Variants in MMP13 observed in about 807,000 individuals in gnomAD.
MMP13 encodes the protein collagenase 3.
Under a neutral mutation model 52.1 loss-of-function variants are expected in MMP13, and 45 were observed. That is an observed-to-expected ratio of 0.86 (90% confidence interval 0.68 to 1.11). The LOEUF (loss-of-function observed/expected upper bound fraction) is 1.11, where lower values mean the gene tolerates loss of function less well. Among genes scored for constraint, MMP13 ranks in the 50% least tolerant of loss-of-function variants. The pLI, the probability that MMP13 is intolerant of heterozygous loss-of-function variation, is 0.00. For synonymous variants in MMP13, 200 were observed against 204.4 expected, an observed-to-expected ratio of 0.98 and a Z score of 0.18; for missense variants, 576 against 583.8, an observed-to-expected ratio of 0.99 and a Z score of 0.14.
In MMP13 at chr11:102,949,652, A is replaced by G. The variant is rs1226917824; in HGVS notation, c.917+458T>C. ...TCAATGAATGAATGAATAAACAAGC[A>G]TACTGGAACAGTGTAGAAATTAAAA... is the stretch of plus-strand genomic sequence containing the variant. On this transcript the variant is annotated intron_variant, in intron 6 of 9. Transcript: ENST00000260302. This position sits in a 1 kb window ranked among gnomAD's most constrained non-coding sequence, Gnocchi z 4.2. Among the ~76,000 whole-genome samples, 5 of 152,212 alleles carry G rather than the reference A, an allele frequency of 3.3e-5. No homozygotes were observed. Among genetic ancestry groups the G allele is most frequent in the Non-Finnish European group, 5.9e-5 (4 of 68,032 alleles).
In MMP13 at chr11:102,955,150, G is replaced by T; in HGVS notation, c.362+102C>A. The T allele has an allele frequency of 7.4e-7, 1 of 1,345,316 alleles. No homozygotes were observed. The allele number at this position is 1,345,316 out of a possible 1,614,324, so 83.3% of individuals were successfully genotyped here. A position where few individuals can be genotyped will look rare whatever the true frequency, so the allele number is the denominator to read the frequency against. On this transcript the variant is annotated intron_variant, in intron 2 of 9. Coordinates refer to ENST00000260302, the MANE Select transcript of MMP13 (RefSeq NM_002427.4). This position sits in a 1 kb window ranked among gnomAD's most constrained non-coding sequence, Gnocchi z 4.9. Reference sequence around the variant, plus strand: ...CGGCAACCATATTAAAGCTATTCTGGAATTTAACTGCCAATTAAATAATAA... The same window carrying T: ...CGGCAACCATATTAAAGCTATTCTGTAATTTAACTGCCAATTAAATAATAA...
chr11:102,950,029 AC>A, intron 6 of MMP13, 80 bp downstream of exon 6: 1 of 1,199,400 alleles, frequency 8.3e-7, no homozygotes, highest in Non-Finnish European at 1.2e-6. Flanking sequence ...TGGAAGTCTG[AC>A]AGGATGTTTT....
chr11:102,945,599 G>A (rs1860491942), intron 9 of MMP13, 47 bp downstream of exon 9: 2 of 1,140,306 alleles, frequency 1.8e-6, no homozygotes, highest in East Asian at 4.7e-5. Flanking sequence ...GAGTTTTGAG[G>A]GGCTACAGAA....
chr11:102,943,413 G>A lies in MMP13; in HGVS notation c.*853C>T, dbSNP rs1373635839. 1 of 151,988 alleles carries A rather than the reference G, an allele frequency of 6.6e-6. No individual in the cohort carries two copies. The highest frequency in any genetic ancestry group is 6.6e-5 in the Admixed American group (1 of 15,258). 9.4% of individuals were successfully genotyped at this position (151,988 alleles called of 1,614,324 possible). A position where few individuals can be genotyped will look rare whatever the true frequency, so the allele number is the denominator to read the frequency against. Reference sequence around the variant, plus strand: ...TTAAATAATTAGCTAGGTAAAATAGGGTTAAAATGCAACTTTTAGTCTTAA... The same window carrying A: ...TTAAATAATTAGCTAGGTAAAATAGAGTTAAAATGCAACTTTTAGTCTTAA... On this transcript the variant is annotated 3_prime_UTR_variant, in exon 10 of 10. Coordinates refer to ENST00000260302, the MANE Select transcript of MMP13 (RefSeq NM_002427.4).
chr11:102,944,219 A>G lies in MMP13; in HGVS notation c.*47T>C, dbSNP rs782523974. ...CCTACCCCGCACTTCTGGAAGTATT[A>G]CCCCAAATGCTCTTCAGGATTTAAA... On this transcript the variant is annotated 3_prime_UTR_variant, in exon 10 of 10. Coordinates refer to ENST00000260302, the MANE Select transcript of MMP13 (RefSeq NM_002427.4). The G allele has an allele frequency of 1.3e-5, 18 of 1,425,148 alleles. No individual in the cohort carries two copies. The highest frequency in any genetic ancestry group is 1.7e-5 in the Non-Finnish European group (17 of 1,010,214). The allele number at this position is 1,425,148 out of a possible 1,614,324, so 88.3% of individuals were successfully genotyped here.
chr11:102,943,155 A>C lies in MMP13; in HGVS notation c.*1111T>G, dbSNP rs1392047420. On this transcript the variant is annotated 3_prime_UTR_variant, in exon 10 of 10. Transcript: ENST00000260302. ...ATCATATATTCAATAAGTGCCAAGC[A>C]CCCTCCCCAAGTATCAATAGGCACT... 6.6e-6 allele frequency: 1 copy of C among 151,808 alleles called. No homozygotes were observed. Among genetic ancestry groups the C allele is most frequent in the Non-Finnish European group, 1.5e-5 (1 of 67,978 alleles). The allele number at this position is 151,808 out of a possible 1,614,324, so 9.4% of individuals were successfully genotyped here. A position where few individuals can be genotyped will look rare whatever the true frequency, so the allele number is the denominator to read the frequency against.
intron 8 of MMP13, among the ~76,000 whole-genome samples, chr11:102,946,859 A>G (rs1276166883): frequency 6.6e-6 from 1 of 152,118 alleles, no homozygotes; most frequent in Non-Finnish European, 1.5e-5. Flanking sequence ...TGATATATAC[A>G]GGTATGTGCG....
At chr11:102,946,471 G>A (rs950098976) in intron 8 of MMP13, among the ~76,000 whole-genome samples, 6 of 152,188 alleles carry the variant, frequency 3.9e-5, no homozygotes, top group African/African-American at 1.2e-4. Flanking sequence ...TAACTGCAAC[G>A]CCAGGCAATA....
chr11:102,946,486 T>C (rs868987561), intron 8 of MMP13, among the ~76,000 whole-genome samples: 5 of 152,060 alleles, frequency 3.3e-5, no homozygotes, highest in African/African-American at 4.8e-5. Flanking sequence ...GCAATAGAAG[T>C]CAAGCATGAG....
At chr11:102,948,115 A>G (rs1042347773) in intron 7 of MMP13, 65 bp from the exon 8 acceptor site, 3 of 1,403,116 alleles carry the variant, frequency 2.1e-6, no homozygotes, top group Non-Finnish European at 3.0e-6. Flanking sequence ...ATATATAGAC[A>G]TGTGCTTAAA....
chr11:102,948,715 T>C (rs1408802260), intron 7 of MMP13, among the ~76,000 whole-genome samples: 1 of 152,168 alleles, frequency 6.6e-6, no homozygotes, highest in African/African-American at 2.4e-5. Context: ...TTTTCCACTT[T>C]TTCAGAATAT....
chr11:102,954,304 G>A (rs1565256014), intron 3 of MMP13, 23 bp from the exon 4 acceptor site: 1 of 1,613,564 alleles, frequency 6.2e-7, no homozygotes, highest in Non-Finnish European at 8.5e-7. Context: ...GCAAGGGTTA[G>A]GAGTCTTATC....
rs537918121 is a variant in MMP13, at chr11:102,955,554, A to G, written c.120+32T>C. 1 of 1,613,976 alleles carries G rather than the reference A, an allele frequency of 6.2e-7. No homozygotes were observed. The highest frequency in any genetic ancestry group is 1.7e-5 in the Admixed American group (1 of 59,988). ...AGAAGGACATTTCTGAGATGTACCA[A>G]CCGCATCATCAGGATTGGCAAGATA... is the stretch of plus-strand genomic sequence containing the variant. On this transcript the variant is annotated intron_variant, in intron 1 of 9. Coordinates refer to ENST00000260302, the MANE Select transcript of MMP13 (RefSeq NM_002427.4). The surrounding 1 kb of genome is among the most constrained non-coding windows in gnomAD (Gnocchi z 4.9).
Position 102,955,457 on chromosome 11 carries a change from C to A in MMP13, c.157G>T (p.Ala53Ser). 1 of 1,613,938 alleles carries A rather than the reference C, an allele frequency of 6.2e-7. No homozygotes were observed. Among genetic ancestry groups the A allele is most frequent in the Non-Finnish European group, 8.5e-7 (1 of 1,179,902 alleles). ...GCTGCATTCTCCTTCAGGATTCCCG[C>A]GAGATTTGTAGGATGGTAGTATGAT... ...LRSYYHPTNL[A>S]GILKENAASS... The change falls in exon 2 of 10, where the codon GCG (alanine) becomes TCG (serine). Residue 53 changes from alanine (A) to serine (S), a missense_variant. Physicochemically the swap from Ala to Ser is moderately conservative, Grantham distance 99 (BLOSUM62 1). Transcript: ENST00000260302. This position sits in a 1 kb window ranked among gnomAD's most constrained non-coding sequence, Gnocchi z 4.9.
rs2134523654 is a variant in MMP13, at chr11:102,955,647, A to G, written c.59T>C (p.Leu20Pro). The G allele has an allele frequency of 6.2e-7, 1 of 1,613,598 alleles. No individual in the cohort carries two copies. The highest frequency in any genetic ancestry group is 2.2e-5 in the East Asian group (1 of 44,878). The change falls in exon 1 of 10, where the codon CTG (leucine) becomes CCG (proline). Residue 20 changes from leucine to proline, a missense_variant. Transcript: ENST00000260302. The surrounding 1 kb of genome is among the most constrained non-coding windows in gnomAD (Gnocchi z 4.9). Reference sequence around the variant, plus strand: ...TTCATCACCACCACTGGGAAGGGGCAGGGCCCGACAATGAGTCCAGCTCAA... The same window carrying G: ...TTCATCACCACCACTGGGAAGGGGCGGGGCCCGACAATGAGTCCAGCTCAA... ...LFLSWTHCRA[L>P]PLPSGGDEDD...
At position 102,948,068 on chromosome 11, in the gene MMP13, A is replaced by G; in HGVS notation, c.1052-18T>C. 1 of 1,610,432 alleles carries G rather than the reference A, an allele frequency of 6.2e-7. No homozygotes were observed. Among genetic ancestry groups the G allele is most frequent in the Non-Finnish European group, 8.5e-7 (1 of 1,177,584 alleles). Reference sequence around the variant, plus strand: ...TTTTCTACCTGGAATGAGTGAAATAACAGTTCTATTATCCAAGGGAATCTA... The same window carrying G: ...TTTTCTACCTGGAATGAGTGAAATAGCAGTTCTATTATCCAAGGGAATCTA... On this transcript the variant is annotated intron_variant, in intron 7 of 9. Transcript: ENST00000260302.
chr11:102,946,755 A>C (rs1440867110), intron 8 of MMP13, among the ~76,000 whole-genome samples: 1 of 152,194 alleles, frequency 6.6e-6, no homozygotes, highest in Non-Finnish European at 1.5e-5. Context: ...CTTCTTATGG[A>C]GGTAGGGAAT....
chr11:102,944,301 G>A lies in MMP13; in HGVS notation c.1381C>T (p.Arg461Cys), dbSNP rs558960918. 44 of 1,612,948 alleles carry A rather than the reference G, an allele frequency of 2.7e-5. No individual in the cohort carries two copies. In the East Asian group the frequency reaches 5.8e-4, roughly 21 times the overall value. Residue 461 changes from arginine to cysteine, a missense_variant, in exon 10 of 10, where the codon CGC becomes TGC. Coordinates refer to ENST00000260302, the MANE Select transcript of MMP13 (RefSeq NM_002427.4). ...EYSIWSNRIV[R>C]VMPANSILWC The stretch of plus-strand genomic sequence containing the variant: ...AAAATGGAATTTGCTGGCATGACGC[G>A]AACAATACGGTTACTCCAGATGCTG...
At chr11:102,953,113 T>TA (rs1281525803) in intron 4 of MMP13, among the ~76,000 whole-genome samples, 3 of 152,176 alleles carry the variant, frequency 2.0e-5, no homozygotes, top group Non-Finnish European at 2.9e-5. Context: ...TAGTAATGGA[T>TA]ACCCCTCTTG....
Sources: allele counts gnomAD v4.1 joint callset (sites outside exome capture counted in the v4.1 genomes callset), GRCh38; gene constraint gnomAD v4.1.1; non-coding constraint Gnocchi (gnomAD v3.1); transcripts MANE v1.5; gene names NCBI Gene and HGNC (gene_info 2026-07-23, HGNC 2026-07-21).